The following SND1 variants were observed in gnomAD, a reference collection of about 807,000 sequenced individuals.
The protein encoded by SND1 is staphylococcal nuclease domain-containing protein 1.
In SND1, 38 loss-of-function variants were observed where a neutral mutation model predicts 121.7. That is an observed-to-expected ratio of 0.31 (90% CI 0.24 to 0.41). SND1 has a LOEUF of 0.41. Ranked by LOEUF, SND1 falls within the 10% of genes least tolerant of loss-of-function variation. The probability of loss-of-function intolerance (pLI) is 1.00; values close to 1 mark genes in which losing one functional copy is unlikely to be tolerated. For synonymous variants in SND1, 401 were observed against 447.4 expected, an observed-to-expected ratio of 0.90 and a Z score of 1.31; for missense variants, 868 against 1,184.6, an observed-to-expected ratio of 0.73 and a Z score of 3.92.
At chr7:127,930,299 G>A (rs1800934973) in intron 15 of SND1, among the ~76,000 whole-genome samples, 1 of 152,188 alleles carries the variant, frequency 6.6e-6, no homozygotes, top group South Asian at 2.1e-4. Flanking sequence ...TTGCTATGGG[G>A]AAAGAGAAAC....
rs543987054 is a variant in SND1, at chr7:128,014,139, C to T, written c.1779+23083C>T. Among the ~76,000 whole-genome samples the T allele has an allele frequency of 3.9e-5, 6 of 152,280 alleles. No homozygotes were observed. The South Asian group carries it at 1.2e-3, about 32-fold the overall frequency. On this transcript the variant is annotated intron_variant, in intron 16 of 23. Coordinates refer to ENST00000354725, the MANE Select transcript of SND1 (RefSeq NM_014390.4). ...TCTTTTGGAAGTTACTCCTCCTGAA[C>T]CTGAATGAAACTTCAGGAACAGTCA...
intron 15 of SND1, among the ~76,000 whole-genome samples, chr7:127,950,177 C>T (rs1007779657): frequency 6.6e-6 from 1 of 152,164 alleles, no homozygotes. Flanking sequence ...GATTTGCAGA[C>T]CCCTCTTTTG....
chr7:127,991,042 G>A lies in SND1; in HGVS notation c.1765G>A (p.Val589Met). 6.2e-7 allele frequency: 1 copy of A among 1,613,424 alleles called. No individual in the cohort carries two copies. ...EEATLFTKEL[V>M]LQREVEVEVE... is the part of the protein sequence containing the mutation. ...AGCTACACTTTTCACCAAGGAACTG[G>A]TGCTGCAGCGAGAGGTAGGACATCT... is the stretch of plus-strand genomic sequence containing the variant. The change falls in exon 16 of 24, where the codon GTG becomes ATG. Residue 589 changes from valine (V) to methionine (M), a missense_variant. By Grantham distance (21) the Val-to-Met change is conservative. Coordinates refer to ENST00000354725, the MANE Select transcript of SND1 (RefSeq NM_014390.4).
At chr7:127,707,481 C>A in intron 8 of SND1, 76 bp from the exon 9 acceptor site, 1 of 1,155,666 alleles carries the variant, frequency 8.7e-7, no homozygotes, top group Non-Finnish European at 1.3e-6. Flanking sequence ...GGATGCTGCA[C>A]CAACTGTGCT....
In SND1 at chr7:127,794,286, A is replaced by G. The variant is rs146063139; in HGVS notation, c.1153-13198A>G. On this transcript the variant is annotated intron_variant, in intron 10 of 23. Coordinates refer to ENST00000354725, the MANE Select transcript of SND1 (RefSeq NM_014390.4). The stretch of plus-strand genomic sequence containing the variant: ...CCTTGGAGGGACGCAGCAACTAAAC[A>G]GAAACCCAGTGTCTAAAGGGAGACC... 2.3e-4 allele frequency among the ~76,000 whole-genome samples: 35 copies of G among 152,350 alleles called. No individual in the cohort carries two copies. The East Asian group carries it at 5.4e-3, about 24-fold the overall frequency.
chr7:127,900,921 A>G (rs955132318), intron 13 of SND1, among the ~76,000 whole-genome samples: 3 of 152,192 alleles, frequency 2.0e-5, no homozygotes, highest in Admixed American at 1.3e-4. Context: ...TGGCCTGCAC[A>G]CTAGCCTGCC....
chr7:128,091,012 C>T (rs1023742004), intron 22 of SND1, among the ~76,000 whole-genome samples: 1 of 152,182 alleles, frequency 6.6e-6, no homozygotes, highest in Non-Finnish European at 1.5e-5. Context: ...TTCATTCTAT[C>T]AGCAGACATT....
At chr7:127,949,505 A>G (rs1801412028) in intron 15 of SND1, among the ~76,000 whole-genome samples, 1 of 152,240 alleles carries the variant, frequency 6.6e-6, no homozygotes, top group South Asian at 2.1e-4. Context: ...TCACTCTCCC[A>G]GCAGCATTTA....
intron 10 of SND1, among the ~76,000 whole-genome samples, chr7:127,748,689 T>C (rs956814565): frequency 6.6e-6 from 1 of 152,152 alleles, no homozygotes; most frequent in African/African-American, 2.4e-5. Flanking sequence ...CAAAACTACA[T>C]GAATTGGTCT....
chr7:127,785,866 A>G (rs755290386), intron 10 of SND1, among the ~76,000 whole-genome samples: 2 of 152,228 alleles, frequency 1.3e-5, no homozygotes, highest in Non-Finnish European at 2.9e-5. Context: ...CTGAGATTGC[A>G]GAAGATCTGC....
At chr7:128,020,354 TA>T (rs1477016203) in intron 16 of SND1, among the ~76,000 whole-genome samples, 1 of 152,168 alleles carries the variant, frequency 6.6e-6, no homozygotes, top group African/African-American at 2.4e-5. Context: ...GCCATTTCTG[TA>T]AATGGCGCCC....
At position 128,068,023 on chromosome 7, in the gene SND1, G is replaced by A. The variant is rs556248217; in HGVS notation, c.1780-6479G>A. Among the ~76,000 whole-genome samples the A allele has an allele frequency of 4.5e-3, 679 of 152,040 alleles. 1 individual carries two copies. The highest frequency in any genetic ancestry group is 0.014 in the Middle Eastern group (4 of 294). On this transcript the variant is annotated intron_variant, in intron 16 of 23. Coordinates refer to ENST00000354725, the MANE Select transcript of SND1 (RefSeq NM_014390.4). ...CACCTTCTCCCGCCTCACCCTCCCC[G>A]CAACTTCACCATGACCTGGAGGAGG...
intron 15 of SND1, among the ~76,000 whole-genome samples, chr7:127,964,259 T>C (rs1379117885): frequency 2.0e-5 from 3 of 151,412 alleles, no homozygotes. Context: ...TTGAGTTTAA[T>C]TAGATCCCAT....
At chr7:127,717,015 T>C (rs1368681459) in intron 9 of SND1, among the ~76,000 whole-genome samples, 3 of 152,190 alleles carry the variant, frequency 2.0e-5, no homozygotes, top group Admixed American at 2.0e-4. Context: ...GTGATTGAGT[T>C]AGAAGAGATT....
intron 21 of SND1, among the ~76,000 whole-genome samples, chr7:128,088,759 C>T (rs1584783155): frequency 6.6e-6 from 1 of 151,072 alleles, no homozygotes; most frequent in East Asian, 2.0e-4. Context: ...GGCCTAGTCC[C>T]TGTCTCTTTA....
intron 16 of SND1, among the ~76,000 whole-genome samples, chr7:128,037,203 C>T (rs1162550484): frequency 6.6e-6 from 1 of 152,226 alleles, no homozygotes; most frequent in African/African-American, 2.4e-5. Flanking sequence ...GCTGCACTCC[C>T]TCCAGAGGCC....
chr7:127,959,227 T>C (rs1034098023), intron 15 of SND1, among the ~76,000 whole-genome samples: 4 of 152,212 alleles, frequency 2.6e-5, no homozygotes, highest in African/African-American at 9.6e-5. Context: ...AGACGTCCGC[T>C]GGCAGTCTTG....
chr7:127,841,653 C>T (rs192345930), intron 11 of SND1, among the ~76,000 whole-genome samples: 1 of 152,146 alleles, frequency 6.6e-6, no homozygotes, highest in Non-Finnish European at 1.5e-5. Context: ...CTGAGTTACT[C>T]AGGCCTGTCT....
chr7:127,760,518 T>G (rs1797285042), intron 10 of SND1, among the ~76,000 whole-genome samples: 1 of 152,232 alleles, frequency 6.6e-6, no homozygotes, highest in South Asian at 2.1e-4. Context: ...GCAAAGTATT[T>G]TGTTTGACTT....
Sources: allele counts gnomAD v4.1 joint callset (sites outside exome capture counted in the v4.1 genomes callset), GRCh38; gene constraint gnomAD v4.1.1; transcripts MANE v1.5; gene names NCBI Gene and HGNC (gene_info 2026-07-23, HGNC 2026-07-21).